Variants in SLC4A4 observed in about 807,000 individuals in gnomAD.
The protein encoded by SLC4A4 is solute carrier family 4 member 4.
SLC4A4 carries 27 observed loss-of-function variants against 111.5 expected under a neutral mutation model. The ratio of observed to expected loss-of-function variants is 0.24; its 90% CI spans 0.18 to 0.33. The LOEUF is 0.33. Ranked by LOEUF, SLC4A4 falls within the 10% of genes least tolerant of loss-of-function variation. The pLI is 1.00. For missense variants in SLC4A4, 909 were observed against 1,315.5 expected (o/e 0.69, Z 4.78); for synonymous variants, 443 against 463.4 (o/e 0.96, Z 0.57).
chr4:71,334,553 C>G (rs1304358532), intron 3 of SLC4A4, among the ~76,000 whole-genome samples: 1 of 152,142 alleles, frequency 6.6e-6, no homozygotes, highest in Non-Finnish European at 1.5e-5. Context: ...AGTCTCTTGG[C>G]TCTGAGCCCA....
intron 2 of SLC4A4, among the ~76,000 whole-genome samples, chr4:71,120,999 G>A (rs1050844615): frequency 8.5e-5 from 13 of 152,200 alleles, no homozygotes; most frequent in Non-Finnish European, 1.5e-4. Context: ...GTGGGCACGC[G>A]CTCGGTAGGT....
At chr4:71,153,033 G>GTGTGTATATATATATATATATATA (rs386400441) in intron 2 of SLC4A4, among the ~76,000 whole-genome samples, 9 of 132,726 alleles carry the variant, frequency 6.8e-5, no homozygotes, top group African/African-American at 2.3e-4. Context: ...ATATGTGTGT[G>GTGTGTATATATATATATATATATA]TATATATATA....
chr4:71,453,153 G>A (rs1308475710), intron 11 of SLC4A4, among the ~76,000 whole-genome samples: 1 of 152,126 alleles, frequency 6.6e-6, no homozygotes, highest in Non-Finnish European at 1.5e-5. Context: ...AGGGTACTAT[G>A]GCGAGATGAT....
At chr4:71,523,261 G>A (rs748380771) in intron 16 of SLC4A4, among the ~76,000 whole-genome samples, 1 of 152,116 alleles carries the variant, frequency 6.6e-6, no homozygotes, top group Non-Finnish European at 1.5e-5. Context: ...ATCACTAAAG[G>A]AGAACCAGAT....
intron 2 of SLC4A4, among the ~76,000 whole-genome samples, chr4:71,100,599 C>T (rs998019429): frequency 6.6e-6 from 1 of 152,080 alleles, no homozygotes; most frequent in African/African-American, 2.4e-5. Context: ...CTGCCCAGAG[C>T]AGTCAGACAA....
At chr4:71,380,027 T>C (rs1169447097) in intron 6 of SLC4A4, among the ~76,000 whole-genome samples, 2 of 152,020 alleles carry the variant, frequency 1.3e-5, no homozygotes, top group Admixed American at 1.3e-4. Flanking sequence ...AGAGAAAAGA[T>C]GAGGTAACGT....
intron 12 of SLC4A4, 46 bp downstream of exon 12, chr4:71,453,715 C>T: frequency 1.3e-6 from 2 of 1,563,112 alleles, no homozygotes; most frequent in Non-Finnish European, 1.8e-6. Context: ...GCCCAGATTG[C>T]CTTCCTCACC....
intron 1 of SLC4A4, among the ~76,000 whole-genome samples, chr4:71,064,595 T>A (rs959989101): frequency 6.6e-6 from 1 of 152,168 alleles, no homozygotes; most frequent in Non-Finnish European, 1.5e-5. Flanking sequence ...GCAATGCAGA[T>A]GGAAGGAAGG....
At chr4:71,329,913 G>GT (rs1317201890) in intron 3 of SLC4A4, among the ~76,000 whole-genome samples, 1 of 152,032 alleles carries the variant, frequency 6.6e-6, no homozygotes, top group Non-Finnish European at 1.5e-5. Flanking sequence ...AAGACTTTCA[G>GT]TTTTTTGCCA....
intron 16 of SLC4A4, among the ~76,000 whole-genome samples, chr4:71,503,448 C>A (rs2149161900): frequency 6.6e-6 from 1 of 151,976 alleles, no homozygotes; most frequent in East Asian, 1.9e-4. Flanking sequence ...TTTTCCCTTT[C>A]TCATGTGTTT....
chr4:71,437,430 A>C, intron 7 of SLC4A4: 1 of 291,654 alleles, frequency 3.4e-6, no homozygotes, highest in Admixed American at 4.2e-5. Context: ...TAATTAATTT[A>C]AAAATGATCA....
chr4:71,409,486 G>C (rs942716582), intron 7 of SLC4A4, among the ~76,000 whole-genome samples: 1 of 152,208 alleles, frequency 6.6e-6, no homozygotes, highest in Non-Finnish European at 1.5e-5. Context: ...CTAGAGATAC[G>C]TGAAACTTTG....
chr4:71,179,659 C>T (rs911994448), intron 2 of SLC4A4, among the ~76,000 whole-genome samples: 13 of 151,966 alleles, frequency 8.6e-5, no homozygotes, highest in Non-Finnish European at 1.3e-4. Context: ...GTGAAGGACC[C>T]CTTCAAGGAG....
At chr4:71,527,596 TCCTCCA>T in intron 16 of SLC4A4, among the ~76,000 whole-genome samples, 1 of 151,842 alleles carries the variant, frequency 6.6e-6, no homozygotes, top group Admixed American at 6.6e-5. Flanking sequence ...AGCAGGTCTG[TCCTCCA>T]CCAGGGCCAG....
chr4:71,318,705 C>A (rs187677972), intron 3 of SLC4A4, among the ~76,000 whole-genome samples: 1 of 151,732 alleles, frequency 6.6e-6, no homozygotes, highest in African/African-American at 2.4e-5. Flanking sequence ...CATTGGCCAG[C>A]TTTTCTTTGA....
intron 2 of SLC4A4, among the ~76,000 whole-genome samples, chr4:71,127,264 T>C (rs951199853): frequency 2.6e-5 from 4 of 151,972 alleles, no homozygotes; most frequent in African/African-American, 9.7e-5. Flanking sequence ...GAGATGCCCA[T>C]GCTAGCGAGG....
Position 71,335,471 on chromosome 4 carries a change from G to A in SLC4A4, c.254-3899G>A, listed in dbSNP as rs73826244. 7.8e-3 allele frequency among the ~76,000 whole-genome samples: 1,193 copies of A among 152,176 alleles called. 16 individuals carry two copies. Among genetic ancestry groups the A allele is most frequent in the African/African-American group, 0.025 (1,056 of 41,498 alleles). ...GACTTCCCATTTCATGATTGGAAAGGCATTGCAAATATTTTTACATTAAAG... is the reference window on the plus strand; with the variant it reads ...GACTTCCCATTTCATGATTGGAAAGACATTGCAAATATTTTTACATTAAAG... On this transcript the variant is annotated intron_variant, in intron 3 of 25. Coordinates refer to ENST00000264485, the MANE Select transcript of SLC4A4 (RefSeq NM_001098484.3).
At chr4:71,290,782 A>C (rs761276032) in intron 3 of SLC4A4, among the ~76,000 whole-genome samples, 10 of 152,312 alleles carry the variant, frequency 6.6e-5, no homozygotes, top group African/African-American at 2.4e-4. Context: ...GAGCTAAACT[A>C]TTGGGCCTAT....
chr4:71,133,593 C>T (rs564035118), intron 2 of SLC4A4, among the ~76,000 whole-genome samples: 66 of 152,266 alleles, frequency 4.3e-4, no homozygotes, highest in South Asian at 3.1e-3. Flanking sequence ...AGAGTGCAAA[C>T]GCAGAAGTCC....
Sources: gnomAD v4.1 joint callset for allele counts (sites outside exome capture counted in the v4.1 genomes callset) on GRCh38, gnomAD v4.1.1 for gene constraint, MANE v1.5 for transcripts, NCBI Gene and HGNC (gene_info 2026-07-23, HGNC 2026-07-21) for gene names.